FILIP1: variants seen among roughly 807,000 people sequenced by gnomAD.
The protein encoded by FILIP1 is filamin A interacting protein 1.
A neutral mutation model predicts 102.1 loss-of-function variants in FILIP1; 61 were observed. The observed-to-expected ratio is 0.60, with a 90% CI of 0.49 to 0.74. The LOEUF (loss-of-function observed/expected upper bound fraction) is 0.74. Ranked by LOEUF, FILIP1 falls within the 30% of genes least tolerant of loss-of-function variation. The pLI is 0.00. For missense variants in FILIP1, 1,314 were observed against 1,441.2 expected (o/e 0.91, Z 1.43); for synonymous variants, 491 against 526.9 (o/e 0.93, Z 0.93).
chr6:75,426,274 T>A (rs1298886402), intron 1 of FILIP1, among the ~76,000 whole-genome samples: 1 of 152,132 alleles, frequency 6.6e-6, no homozygotes, highest in Non-Finnish European at 1.5e-5. Flanking sequence ...TGCCACTTCT[T>A]CTCTTCCAGA....
chr6:75,341,262 G>C (rs779372753), intron 4 of FILIP1, among the ~76,000 whole-genome samples: 1 of 151,550 alleles, frequency 6.6e-6, no homozygotes, highest in Non-Finnish European at 1.5e-5. Flanking sequence ...CCAGGCTCAA[G>C]TGATCCTCCT....
At chr6:75,318,533 G>A (rs1225766924) in intron 4 of FILIP1, among the ~76,000 whole-genome samples, 1 of 151,764 alleles carries the variant, frequency 6.6e-6, no homozygotes, top group Non-Finnish European at 1.5e-5. Context: ...ATCATGCCTG[G>A]CCCAGTTTTC....
chr6:75,367,561 A>G (rs9341516), intron 2 of FILIP1: 92,274 of 151,976 alleles, frequency 0.61, 28,115 homozygotes, highest in South Asian at 0.7. Context: ...TCTTGAACCC[A>G]GGAGGCGGAG....
At chr6:75,372,450 T>C (rs993448008) in intron 2 of FILIP1, among the ~76,000 whole-genome samples, 1 of 148,032 alleles carries the variant, frequency 6.8e-6, no homozygotes, top group African/African-American at 2.5e-5. Context: ...AAAAATTTAA[T>C]GGGCAAAGGA....
At chr6:75,306,648 T>C (rs1472193982), downstream of FILIP1, among the ~76,000 whole-genome samples, 2 of 152,210 alleles carry the variant, frequency 1.3e-5, no homozygotes, top group Non-Finnish European at 2.9e-5. Context: ...TTGTTCAAAT[T>C]TACCCAAAAT....
At chr6:75,342,428 A>G (rs952957537) in intron 4 of FILIP1, among the ~76,000 whole-genome samples, 1 of 152,338 alleles carries the variant, frequency 6.6e-6, no homozygotes, top group East Asian at 1.9e-4. Context: ...AAGAAATACA[A>G]TGATCTTCAT....
At chr6:75,326,226 T>G (rs1250453024) in intron 4 of FILIP1, among the ~76,000 whole-genome samples, 1 of 152,126 alleles carries the variant, frequency 6.6e-6, no homozygotes, top group Non-Finnish European at 1.5e-5. Flanking sequence ...GAAACCATTA[T>G]TCTAAGTGAA....
chr6:75,353,843 C>T lies in FILIP1; in HGVS notation c.451-126G>A. Reference sequence around the variant, plus strand: ...CGAGAACAGTGAGTCTGGTATTCACCACCATTTCCCCCATTGTATCAGTTT... The same window carrying T: ...CGAGAACAGTGAGTCTGGTATTCACTACCATTTCCCCCATTGTATCAGTTT... On this transcript the variant is annotated intron_variant, in intron 3 of 5. Transcript: ENST00000237172. 4 of 847,780 alleles carry T rather than the reference C, an allele frequency of 4.7e-6. No individual in the cohort carries two copies. In the East Asian group the frequency reaches 8.0e-5, roughly 17 times the overall value. The allele number at this position is 847,780 out of a possible 1,614,324, so 52.5% of individuals were successfully genotyped here. A position where few individuals can be genotyped will look rare whatever the true frequency, so the allele number is the denominator to read the frequency against.
At chr6:75,419,468 T>C (rs1428962250) in intron 1 of FILIP1, among the ~76,000 whole-genome samples, 1 of 152,174 alleles carries the variant, frequency 6.6e-6, no homozygotes, top group African/African-American at 2.4e-5. Flanking sequence ...TAATTTTATA[T>C]ACTTAATTTC....
At chr6:75,404,923 C>A (rs1376908477) in intron 2 of FILIP1, among the ~76,000 whole-genome samples, 1 of 152,198 alleles carries the variant, frequency 6.6e-6, no homozygotes, top group Non-Finnish European at 1.5e-5. Context: ...TCTTGTCCTG[C>A]AACCTCTTAA....
chr6:75,372,344 G>A (rs1775548515), intron 2 of FILIP1, among the ~76,000 whole-genome samples: 1 of 141,676 alleles, frequency 7.1e-6, no homozygotes, highest in Non-Finnish European at 1.5e-5. Context: ...TCCAGCCTGG[G>A]CAACAAGAGT....
At chr6:75,482,374 G>A (rs1433691215) in intron 1 of FILIP1, among the ~76,000 whole-genome samples, 5 of 152,132 alleles carry the variant, frequency 3.3e-5, no homozygotes, top group Non-Finnish European at 5.9e-5. Context: ...TAATTAAATG[G>A]CAGCTGTTGC....
intron 2 of FILIP1, chr6:75,398,986 C>T (rs1776559290): frequency 6.6e-6 from 1 of 152,196 alleles, no homozygotes; most frequent in Non-Finnish European, 1.5e-5. Flanking sequence ...GCACTTCCTC[C>T]TCATGCTTTC....
At chr6:75,380,880 A>C (rs183454291) in intron 2 of FILIP1, among the ~76,000 whole-genome samples, 2 of 152,272 alleles carry the variant, frequency 1.3e-5, no homozygotes. Flanking sequence ...AAATAGCCAC[A>C]ATCATTCTTT....
At chr6:75,339,976 T>C (rs542510600) in intron 4 of FILIP1, among the ~76,000 whole-genome samples, 22 of 151,934 alleles carry the variant, frequency 1.4e-4, no homozygotes, top group South Asian at 6.2e-4. Flanking sequence ...ATATATAATA[T>C]AAAGTGTGTC....
At chr6:75,370,580 T>TC (rs1424825779) in intron 2 of FILIP1, among the ~76,000 whole-genome samples, 1 of 145,808 alleles carries the variant, frequency 6.9e-6, no homozygotes, top group Non-Finnish European at 1.5e-5. Flanking sequence ...TTTTTTTTTT[T>TC]TTTTTTTTTT....
intron 2 of FILIP1, among the ~76,000 whole-genome samples, chr6:75,385,361 T>C (rs541765735): frequency 2.6e-5 from 4 of 152,174 alleles, no homozygotes; most frequent in Non-Finnish European, 5.9e-5. Context: ...ATTTGAATGC[T>C]ATTGGGCGCA....
intron 1 of FILIP1, among the ~76,000 whole-genome samples, chr6:75,442,740 C>A (rs530375761): frequency 1.4e-4 from 21 of 144,914 alleles, no homozygotes; most frequent in African/African-American, 5.2e-4. Context: ...AGAGGGAGAC[C>A]GTGGGGAGAG....
intron 2 of FILIP1, among the ~76,000 whole-genome samples, chr6:75,382,589 C>A (rs1171995482): frequency 6.6e-6 from 1 of 152,176 alleles, no homozygotes; most frequent in Non-Finnish European, 1.5e-5. Context: ...GGTACCATAT[C>A]TCTTTTTTTC....
Sources: gnomAD v4.1 joint callset for allele counts (sites outside exome capture counted in the v4.1 genomes callset) on GRCh38, gnomAD v4.1.1 for gene constraint, MANE v1.5 for transcripts, NCBI Gene and HGNC (gene_info 2026-07-23, HGNC 2026-07-21) for gene names.